Variants in CNTLN observed in about 807,000 individuals in gnomAD.
The protein encoded by CNTLN is centlein, centrosomal protein.
A neutral mutation model predicts 180.0 loss-of-function variants in CNTLN; 212 were observed. That is an observed-to-expected ratio of 1.18 (90% confidence interval 1.05 to 1.32). The LOEUF (loss-of-function observed/expected upper bound fraction) is 1.32. Among genes scored for constraint, CNTLN ranks in the 40% most tolerant of loss-of-function variants. The probability of loss-of-function intolerance (pLI) is 0.00; values close to 1 mark genes in which losing one functional copy is unlikely to be tolerated. For synonymous variants in CNTLN, 722 were observed against 563.1 expected (o/e 1.28, Z -3.99); for missense variants, 2,095 against 1,610.9 (o/e 1.30, Z -5.14).
intron 23 of CNTLN, among the ~76,000 whole-genome samples, chr9:17,482,568 A>G (rs1389332624): frequency 7.9e-5 from 12 of 151,812 alleles, no homozygotes. Context: ...ACAGTAAGAT[A>G]TTTTTAAGGG....
chr9:17,359,381 G>C (rs1823112132), intron 12 of CNTLN, among the ~76,000 whole-genome samples: 1 of 151,946 alleles, frequency 6.6e-6, no homozygotes, highest in African/African-American at 2.4e-5. Flanking sequence ...ATTGGCCTAT[G>C]TTAAAACCAA....
intron 2 of CNTLN, among the ~76,000 whole-genome samples, chr9:17,152,995 C>G (rs1215502102): frequency 1.3e-5 from 2 of 151,474 alleles, no homozygotes; most frequent in Non-Finnish European, 2.9e-5. Context: ...CTTTTTTTTG[C>G]TTTCCATTTG....
Position 17,137,785 on chromosome 9 carries a change from C to G in CNTLN, c.360+2360C>G, listed in dbSNP as rs111383408. Among the ~76,000 whole-genome samples, 1,090 of 152,174 alleles carry G rather than the reference C, an allele frequency of 7.2e-3. 10 individuals are homozygous for G. The highest frequency in any genetic ancestry group is 8.6e-3 in the African/African-American group (356 of 41,514). The stretch of plus-strand genomic sequence containing the variant: ...GTGCTTGGTGAAGTTTGAGTAATTC[C>G]CCATACCATTCTACATCATTGGAAT... On this transcript the variant is annotated intron_variant, in intron 1 of 25. Coordinates refer to ENST00000380647, the MANE Select transcript of CNTLN (RefSeq NM_017738.4).
the CNTLN span, among the ~76,000 whole-genome samples, chr9:17,528,524 T>C: frequency 6.6e-6 from 1 of 152,224 alleles, no homozygotes; most frequent in Non-Finnish European, 1.5e-5. Context: ...ACTGAGGAGA[T>C]ATGACAACTA....
intron 18 of CNTLN, among the ~76,000 whole-genome samples, chr9:17,425,128 T>C (rs945631430): frequency 3.3e-5 from 5 of 152,220 alleles, no homozygotes; most frequent in African/African-American, 1.2e-4. Flanking sequence ...TTATTGATTA[T>C]CTCTCAATGT....
the CNTLN span, among the ~76,000 whole-genome samples, chr9:17,515,201 G>A: frequency 6.6e-6 from 1 of 152,172 alleles, no homozygotes; most frequent in South Asian, 2.1e-4. Context: ...TTGAAAGCCT[G>A]TCTTCACTTT....
At chr9:17,375,855 C>A (rs1434155935) in intron 13 of CNTLN, among the ~76,000 whole-genome samples, 1 of 152,060 alleles carries the variant, frequency 6.6e-6, no homozygotes, top group East Asian at 1.9e-4. Context: ...TTATTAAAGC[C>A]AAGATAACTA....
intron 25 of CNTLN, among the ~76,000 whole-genome samples, chr9:17,501,155 G>A (rs895166774): frequency 6.6e-6 from 1 of 152,122 alleles, no homozygotes; most frequent in Non-Finnish European, 1.5e-5. Flanking sequence ...CTATTCATCT[G>A]TATCTTAAAA....
chr9:17,217,505 A>C (rs922644164), intron 2 of CNTLN, among the ~76,000 whole-genome samples: 1 of 152,240 alleles, frequency 6.6e-6, no homozygotes, highest in Non-Finnish European at 1.5e-5. Flanking sequence ...ACACAGTTTG[A>C]AATGCAAGGT....
chr9:17,314,746 C>T lies in CNTLN; in HGVS notation c.1341+5494C>T, dbSNP rs532438916. Among the ~76,000 whole-genome samples the T allele has an allele frequency of 2.6e-5, 4 of 152,304 alleles. No individual in the cohort carries two copies. The South Asian group carries it at 8.3e-4, about 32-fold the overall frequency. ...CCAACTATCAGTTCTTATCTAGATT[C>T]TGCCTACATTTGATCATTCTCTGTT... On this transcript the variant is annotated intron_variant, in intron 8 of 25. Transcript: ENST00000380647.
rs1821109787 is a variant in CNTLN, at chr9:17,181,282, T to C, written c.449+37906T>C. On this transcript the variant is annotated intron_variant, in intron 2 of 25. Coordinates refer to ENST00000380647, the MANE Select transcript of CNTLN (RefSeq NM_017738.4). ...GTTGTTCTCTTTTGCTTTTCACTGA[T>C]TCTTTCCTGTCCTCTCCAGTTGGCT... Among the ~76,000 whole-genome samples the C allele has an allele frequency of 1.3e-5, 2 of 152,242 alleles. 1 individual carries two copies. Among genetic ancestry groups the C allele is most frequent in the South Asian group, 4.1e-4 (2 of 4,830 alleles).
chr9:17,405,108 T>G (rs1188317315), intron 15 of CNTLN, among the ~76,000 whole-genome samples: 1 of 151,792 alleles, frequency 6.6e-6, no homozygotes, highest in African/African-American at 2.4e-5. Flanking sequence ...CTCACCTTAC[T>G]TGACCTCTCA....
At chr9:17,484,511 G>A (rs1472562273) in intron 24 of CNTLN, 31 bp downstream of exon 24, 9 of 1,522,226 alleles carry the variant, frequency 5.9e-6, no homozygotes, top group African/African-American at 1.4e-5. Flanking sequence ...ATTATTAAAG[G>A]GTTTATTATA....
Position 17,395,074 on chromosome 9 carries a change from G to A in CNTLN, c.2615+5G>A, listed in dbSNP as rs765421821. ...GGAGGATGTGAGTGAAAGCAGGTAAGGCTCTCATTAACTTAGCTCTGTGGT... is the reference window on the plus strand; with the variant it reads ...GGAGGATGTGAGTGAAAGCAGGTAAAGCTCTCATTAACTTAGCTCTGTGGT... On this transcript the variant is annotated splice_donor_5th_base_variant and intron_variant, in intron 15 of 25. Coordinates refer to ENST00000380647, the MANE Select transcript of CNTLN (RefSeq NM_017738.4). 3.8e-6 allele frequency: 6 copies of A among 1,598,744 alleles called. No homozygotes were observed. The highest frequency in any genetic ancestry group is 4.5e-5 in the East Asian group (2 of 44,696).
At chr9:17,225,213 G>C (rs1359114592) in intron 2 of CNTLN, among the ~76,000 whole-genome samples, 3 of 151,844 alleles carry the variant, frequency 2.0e-5, no homozygotes, top group African/African-American at 7.3e-5. Flanking sequence ...CTTTTTTCCA[G>C]CTTCATTTCA....
At chr9:17,346,011 T>G (rs773313145) in intron 12 of CNTLN, among the ~76,000 whole-genome samples, 4 of 152,238 alleles carry the variant, frequency 2.6e-5, no homozygotes, top group Non-Finnish European at 5.9e-5. Flanking sequence ...ATTATTTGTA[T>G]TATTCTGTTT....
intron 16 of CNTLN, 81 bp from the exon 17 acceptor site, chr9:17,415,707 G>A: frequency 2.2e-6 from 2 of 915,592 alleles, no homozygotes; most frequent in South Asian, 1.5e-5. Context: ...TATTTTTTAA[G>A]TAAAGAGATG....
chr9:17,389,386 A>G (rs528793261), intron 14 of CNTLN, among the ~76,000 whole-genome samples: 8 of 152,202 alleles, frequency 5.3e-5, no homozygotes, highest in African/African-American at 1.9e-4. Flanking sequence ...CAGGTTTTGT[A>G]TAATTTTTGT....
At chr9:17,204,961 A>G (rs1252704371) in intron 2 of CNTLN, among the ~76,000 whole-genome samples, 1 of 152,146 alleles carries the variant, frequency 6.6e-6, no homozygotes, top group African/African-American at 2.4e-5. Context: ...GTCCGGGCCA[A>G]ACCTCCCAGC....
Sources: allele counts gnomAD v4.1 joint callset (sites outside exome capture counted in the v4.1 genomes callset), GRCh38; gene constraint gnomAD v4.1.1; transcripts MANE v1.5; gene names NCBI Gene and HGNC (gene_info 2026-07-23, HGNC 2026-07-21).